The following MYT1L variants were observed in gnomAD, a reference collection of about 807,000 sequenced individuals.
MYT1L encodes myelin transcription factor 1-like protein.
Under a neutral mutation model 126.7 loss-of-function variants are expected in MYT1L, and 12 were observed. The observed-to-expected ratio is 0.09, with a 90% confidence interval of 0.06 to 0.15. The LOEUF (loss-of-function observed/expected upper bound fraction) is 0.15, where lower values mean the gene tolerates loss of function less well. Ranked by LOEUF, MYT1L falls within the 10% of genes least tolerant of loss-of-function variation. The probability of loss-of-function intolerance (pLI) is 1.00; values close to 1 mark genes in which losing one functional copy is unlikely to be tolerated. For synonymous variants in MYT1L, 541 were observed against 604.2 expected, an observed-to-expected ratio of 0.90 and a Z score of 1.53; for missense variants, 979 against 1,585.2, an observed-to-expected ratio of 0.62 and a Z score of 6.49.
At chr2:1,819,128 C>T (rs1464407419) in intron 21 of MYT1L, among the ~76,000 whole-genome samples, 1 of 152,194 alleles carries the variant, frequency 6.6e-6, no homozygotes, top group Non-Finnish European at 1.5e-5. Flanking sequence ...CCCAGGGAGT[C>T]CACCTGCCTC....
intron 3 of MYT1L, among the ~76,000 whole-genome samples, chr2:2,078,667 A>T (rs1311562367): frequency 1.3e-5 from 2 of 152,226 alleles, no homozygotes. Flanking sequence ...TGCATCTAAC[A>T]GTACAGCTCC....
intron 8 of MYT1L, among the ~76,000 whole-genome samples, chr2:1,947,557 C>A (rs1275415476): frequency 6.6e-6 from 1 of 152,172 alleles, no homozygotes; most frequent in Non-Finnish European, 1.5e-5. Flanking sequence ...CTGCCTCCTG[C>A]TCACATGTCC....
In MYT1L at chr2:1,892,321, C is replaced by T. The variant is rs2048994296; in HGVS notation, c.2033-34G>A. ...ACAGGGACAGGGATGACTCAGGCCCCGGCCGCAGGGCACACGGCAGACAGC... is the reference window on the plus strand; with the variant it reads ...ACAGGGACAGGGATGACTCAGGCCCTGGCCGCAGGGCACACGGCAGACAGC... On this transcript the variant is annotated intron_variant, in intron 14 of 24. Coordinates refer to ENST00000647738, the MANE Select transcript of MYT1L (RefSeq NM_001303052.2). The T allele has an allele frequency of 2.6e-6, 4 of 1,539,406 alleles. No homozygotes were observed. In the East Asian group the frequency reaches 9.8e-5, roughly 38 times the overall value.
intron 10 of MYT1L, among the ~76,000 whole-genome samples, chr2:1,919,157 T>C (rs759884402): frequency 6.6e-6 from 1 of 152,244 alleles, no homozygotes; most frequent in Non-Finnish European, 1.5e-5. Flanking sequence ...ATATCGAAAG[T>C]GTTGTGAAAT....
chr2:1,974,835 A>G (rs2060048854), intron 8 of MYT1L: 1 of 152,150 alleles, frequency 6.6e-6, no homozygotes, highest in Non-Finnish European at 1.5e-5. Flanking sequence ...AAATTAGGTG[A>G]TCATTTTCCT....
chr2:1,986,501 C>A (rs2061033412), intron 5 of MYT1L, among the ~76,000 whole-genome samples: 1 of 152,168 alleles, frequency 6.6e-6, no homozygotes, highest in Admixed American at 6.5e-5. Context: ...GAAACTAAAC[C>A]AAACCTGAAC....
chr2:1,912,952 C>T lies in MYT1L; in HGVS notation c.1619-842G>A, dbSNP rs773100111. Among the ~76,000 whole-genome samples, 2 of 152,166 alleles carry T rather than the reference C, an allele frequency of 1.3e-5. No homozygotes were observed. The highest frequency in any genetic ancestry group is 1.9e-4 in the East Asian group (1 of 5,186). On this transcript the variant is annotated intron_variant, in intron 11 of 24. Transcript: ENST00000647738. This position sits in a 1 kb window ranked among gnomAD's most constrained non-coding sequence, Gnocchi z 4.3. ...TAGCAGGGACGAAGGGACCCCCACA[C>T]GGACCCTGTCTGCATCATGCTCTGC...
chr2:2,233,989 GTAGCTCTTAGA>G (rs1180359237), intron 2 of MYT1L, among the ~76,000 whole-genome samples: 1 of 152,220 alleles, frequency 6.6e-6, no homozygotes, highest in Non-Finnish European at 1.5e-5. Flanking sequence ...AACCAGGCTT[GTAGCTCTTAGA>G]TAAGTCCATG....
intron 23 of MYT1L, among the ~76,000 whole-genome samples, chr2:1,795,002 C>G (rs755755007): frequency 1.3e-5 from 2 of 152,190 alleles, no homozygotes; most frequent in African/African-American, 4.8e-5. Context: ...GGTCTTGCAG[C>G]CTCACCTCCC....
At chr2:1,964,594 AAAAC>A (rs1320052882) in intron 8 of MYT1L, among the ~76,000 whole-genome samples, 14 of 152,236 alleles carry the variant, frequency 9.2e-5, no homozygotes, top group African/African-American at 2.2e-4. Context: ...GATCCAAAGA[AAAAC>A]AAGGGTAAAA....
intron 2 of MYT1L, among the ~76,000 whole-genome samples, chr2:2,201,158 G>A (rs1032549556): frequency 8.5e-5 from 13 of 152,162 alleles, no homozygotes; most frequent in Non-Finnish European, 1.5e-4. Flanking sequence ...AGACAAAAAA[G>A]TGTGTCTGTT....
At chr2:2,255,200 A>T (rs1189813703) in intron 2 of MYT1L, among the ~76,000 whole-genome samples, 2 of 152,204 alleles carry the variant, frequency 1.3e-5, no homozygotes, top group Non-Finnish European at 2.9e-5. Context: ...AACACCATTT[A>T]TGGTTCATCC....
intron 14 of MYT1L, among the ~76,000 whole-genome samples, chr2:1,894,183 C>T (rs1004171444): frequency 1.3e-5 from 2 of 152,228 alleles, no homozygotes; most frequent in African/African-American, 4.8e-5. Context: ...CCCTGAGAAG[C>T]GTGTCTGAGT....
chr2:1,967,090 TAA>T (rs2059424663), intron 8 of MYT1L, among the ~76,000 whole-genome samples: 1 of 152,206 alleles, frequency 6.6e-6, no homozygotes, highest in African/African-American at 2.4e-5. Flanking sequence ...CAGATACTAA[TAA>T]CAGGCTGTCA....
rs113284724 is a variant in MYT1L at position 2,246,346 on chromosome 2, G to A, written c.-421+38058C>T. On this transcript the variant is annotated intron_variant, in intron 2 of 24. Coordinates refer to ENST00000647738, the MANE Select transcript of MYT1L (RefSeq NM_001303052.2). Reference sequence around the variant, plus strand: ...GAAGTTCCTCATCTTGCATATTTATGCTTCAGACTTTTTCCTGCTACCTTT... The same window carrying A: ...GAAGTTCCTCATCTTGCATATTTATACTTCAGACTTTTTCCTGCTACCTTT... Among the ~76,000 whole-genome samples the A allele has an allele frequency of 7.9e-3, 1,207 of 152,226 alleles. 14 individuals are homozygous for A. The highest frequency in any genetic ancestry group is 0.025 in the African/African-American group (1,037 of 41,528).
chr2:1,836,700 CCCATCAGCCTGCATCCCAAAATT>C lies in MYT1L; in HGVS notation c.3080+2426_3080+2448del, dbSNP rs1376968460. Among the ~76,000 whole-genome samples the C allele has an allele frequency of 1.2e-4, 18 of 146,854 alleles. No homozygotes were observed. The South Asian group carries it at 3.6e-3, about 29-fold the overall frequency. On this transcript the variant is annotated intron_variant, in intron 21 of 24. Transcript: ENST00000647738. ...ATTCCATCAGCCTGCACCCCAAGAT[CCCATCAGCCTGCATCCCAAAATT>C]CCATCAGCCTGCATCCCAAAATTCC...
chr2:2,004,980 T>C (rs563054596), intron 4 of MYT1L, among the ~76,000 whole-genome samples: 218 of 148,808 alleles, frequency 1.5e-3, no homozygotes, highest in Non-Finnish European at 2.0e-3. Flanking sequence ...GCATGCCTTC[T>C]TTCCTGCAGG....
intron 18 of MYT1L, among the ~76,000 whole-genome samples, chr2:1,867,342 C>T (rs1345429985): frequency 6.6e-6 from 1 of 152,122 alleles, no homozygotes; most frequent in East Asian, 1.9e-4. Context: ...GAGCATCTTT[C>T]AGAGGCCCCA....
intron 9 of MYT1L, among the ~76,000 whole-genome samples, chr2:1,927,595 G>A (rs575504239): frequency 1.3e-5 from 2 of 152,272 alleles, no homozygotes; most frequent in South Asian, 4.1e-4. Context: ...TTGAGCTACT[G>A]TTCTTTCTGG....
Sources: allele counts gnomAD v4.1 joint callset (sites outside exome capture counted in the v4.1 genomes callset), GRCh38; gene constraint gnomAD v4.1.1; non-coding constraint Gnocchi (gnomAD v3.1); transcripts MANE v1.5; gene names NCBI Gene and HGNC (gene_info 2026-07-23, HGNC 2026-07-21).